Variants in ROBO1 observed in about 807,000 individuals in gnomAD.
The protein encoded by ROBO1 is roundabout homolog 1.
In ROBO1, 149 loss-of-function variants were observed where a neutral mutation model predicts 195.9. The ratio of observed to expected loss-of-function variants is 0.76; its 90% CI spans 0.67 to 0.87. ROBO1 has a LOEUF of 0.87. Ranked by LOEUF, ROBO1 falls within the 40% of genes least tolerant of loss-of-function variation. ROBO1 has a pLI of 0.00. For synonymous variants in ROBO1, 816 were observed against 733.2 expected, an observed-to-expected ratio of 1.11 and a Z score of -1.82; for missense variants, 1,933 against 2,068.3, an observed-to-expected ratio of 0.93 and a Z score of 1.27.
chr3:79,174,899 A>C (rs1421703746), intron 2 of ROBO1, among the ~76,000 whole-genome samples: 1 of 151,934 alleles, frequency 6.6e-6, no homozygotes, highest in African/African-American at 2.4e-5. Flanking sequence ...AAAAATCCTA[A>C]GTTTTATGCA....
At position 79,050,909 on chromosome 3, in the gene ROBO1, A is replaced by T. The variant is rs2078684342; in HGVS notation, c.172+74547T>A. ...AGAATCTCAGGGATACACTGAAAGCAGCGTGTAGAGGGAAATTTATAGCAC... is the reference window on the plus strand; with the variant it reads ...AGAATCTCAGGGATACACTGAAAGCTGCGTGTAGAGGGAAATTTATAGCAC... On this transcript the variant is annotated intron_variant, in intron 3 of 30. Coordinates refer to ENST00000464233, the MANE Select transcript of ROBO1 (RefSeq NM_002941.4). 2.0e-5 allele frequency among the ~76,000 whole-genome samples: 3 copies of T among 152,112 alleles called. No homozygotes were observed. In the South Asian group the frequency reaches 6.2e-4, roughly 31 times the overall value.
At chr3:78,700,202 T>C (rs1301824459) in intron 8 of ROBO1, among the ~76,000 whole-genome samples, 1 of 152,156 alleles carries the variant, frequency 6.6e-6, no homozygotes, top group Non-Finnish European at 1.5e-5. Context: ...CTTAGTCCTA[T>C]TTTAAGAGTC....
At chr3:79,396,917 C>T (rs2037176427) in intron 2 of ROBO1, among the ~76,000 whole-genome samples, 1 of 151,980 alleles carries the variant, frequency 6.6e-6, no homozygotes, top group African/African-American at 2.4e-5. Flanking sequence ...ATAAACACAG[C>T]TCATGCATAC....
At chr3:79,497,414 T>TA (rs1400808877) in intron 2 of ROBO1, among the ~76,000 whole-genome samples, 1 of 152,202 alleles carries the variant, frequency 6.6e-6, no homozygotes, top group Non-Finnish European at 1.5e-5. Context: ...TCATTACATA[T>TA]AAAATAATAT....
At chr3:79,593,044 A>G (rs753309718) in intron 1 of ROBO1, among the ~76,000 whole-genome samples, 1 of 151,944 alleles carries the variant, frequency 6.6e-6, no homozygotes, top group Non-Finnish European at 1.5e-5. Flanking sequence ...AATTCATATA[A>G]ATTTAAGTTT....
chr3:79,600,509 C>T (rs114262268), intron 1 of ROBO1, among the ~76,000 whole-genome samples: 263 of 151,992 alleles, frequency 1.7e-3, no homozygotes, highest in African/African-American at 6.1e-3. Context: ...GCATGTTTAG[C>T]TGGCAAATCC....
At chr3:79,381,938 G>A (rs377465505) in intron 2 of ROBO1, among the ~76,000 whole-genome samples, 21 of 151,790 alleles carry the variant, frequency 1.4e-4, no homozygotes, top group African/African-American at 4.3e-4. Flanking sequence ...CCCTACAACC[G>A]TATTTTCTCA....
At chr3:79,020,572 G>A (rs2078079058) in intron 3 of ROBO1, among the ~76,000 whole-genome samples, 1 of 152,118 alleles carries the variant, frequency 6.6e-6, no homozygotes, top group Non-Finnish European at 1.5e-5. Context: ...TTCGCCTGTA[G>A]CCCCAGCTGC....
intron 4 of ROBO1, among the ~76,000 whole-genome samples, chr3:78,845,621 C>T (rs1480266409): frequency 1.3e-5 from 2 of 151,614 alleles, no homozygotes; most frequent in African/African-American, 2.4e-5. Context: ...TTTAAAAGGC[C>T]CCTCTAAATA....
chr3:78,839,971 G>A (rs1372067127), intron 4 of ROBO1, among the ~76,000 whole-genome samples: 2 of 152,186 alleles, frequency 1.3e-5, no homozygotes, highest in African/African-American at 4.8e-5. Context: ...ACTAAATGAT[G>A]AATATGCTAC....
chr3:79,743,175 A>G (rs1185121945), intron 1 of ROBO1, among the ~76,000 whole-genome samples: 4 of 152,220 alleles, frequency 2.6e-5, no homozygotes, highest in Admixed American at 2.6e-4. Flanking sequence ...CAAATGTCAT[A>G]GAGTGTACTT....
At chr3:79,479,832 G>A (rs891956988) in intron 2 of ROBO1, among the ~76,000 whole-genome samples, 1 of 152,140 alleles carries the variant, frequency 6.6e-6, no homozygotes, top group Non-Finnish European at 1.5e-5. Flanking sequence ...TTTAGAACCT[G>A]AGCATAAGTA....
At chr3:79,546,725 G>A (rs955547991) in intron 2 of ROBO1, among the ~76,000 whole-genome samples, 10 of 152,062 alleles carry the variant, frequency 6.6e-5, no homozygotes, top group Non-Finnish European at 1.5e-4. Flanking sequence ...ATTTAACAAT[G>A]GCCTCCAGTA....
At chr3:78,676,189 C>T (rs1708412346) in intron 10 of ROBO1, among the ~76,000 whole-genome samples, 1 of 152,130 alleles carries the variant, frequency 6.6e-6, no homozygotes, top group African/African-American at 2.4e-5. Context: ...TCACCATCAT[C>T]AAAGACCAAA....
intron 2 of ROBO1, among the ~76,000 whole-genome samples, chr3:79,421,069 C>T (rs1559886653): frequency 6.6e-6 from 1 of 152,000 alleles, no homozygotes; most frequent in Non-Finnish European, 1.5e-5. Context: ...ATGTCCTTTG[C>T]AACAACATGG....
intron 1 of ROBO1, among the ~76,000 whole-genome samples, chr3:79,715,210 C>T (rs527452966): frequency 2.0e-5 from 3 of 152,086 alleles, no homozygotes; most frequent in South Asian, 4.1e-4. Flanking sequence ...GTTGATAAAG[C>T]TGTGGCATGG....
At chr3:78,678,754 G>A (rs562558227) in intron 10 of ROBO1, among the ~76,000 whole-genome samples, 11 of 152,256 alleles carry the variant, frequency 7.2e-5, no homozygotes, top group African/African-American at 2.4e-4. Context: ...GTACAAGGAC[G>A]AACTGATACC....
chr3:79,017,921 T>C (rs900204564), intron 3 of ROBO1, among the ~76,000 whole-genome samples: 6 of 152,174 alleles, frequency 3.9e-5, no homozygotes, highest in African/African-American at 1.2e-4. Flanking sequence ...CAACTACTAA[T>C]AACCCCTTGT....
chr3:78,899,168 C>T (rs901986117), intron 4 of ROBO1, among the ~76,000 whole-genome samples: 2 of 152,054 alleles, frequency 1.3e-5, no homozygotes, highest in East Asian at 1.9e-4. Context: ...AAAAACATAC[C>T]ACTTTTTTTG....
Sources: allele counts gnomAD v4.1 joint callset (sites outside exome capture counted in the v4.1 genomes callset), GRCh38; gene constraint gnomAD v4.1.1; transcripts MANE v1.5; gene names NCBI Gene and HGNC (gene_info 2026-07-23, HGNC 2026-07-21).